Variants in SPINT2 observed in about 807,000 individuals in gnomAD.
SPINT2 encodes serine peptidase inhibitor, Kunitz type 2.
In SPINT2, 18 loss-of-function variants were observed where a neutral mutation model predicts 30.1. The observed-to-expected ratio is 0.60, with a 90% CI of 0.41 to 0.89. The LOEUF is 0.89. Ranked by LOEUF, SPINT2 falls within the 40% of genes least tolerant of loss-of-function variation. The pLI is 0.00. For missense variants in SPINT2, 276 were observed against 334.3 expected (o/e 0.83, Z 1.36); for synonymous variants, 139 against 137.9 (o/e 1.01, Z -0.05).
At chr19:38,287,747 G>A (rs1372498264) in intron 2 of SPINT2, 129 bp from the exon 3 acceptor site, 3 of 964,818 alleles carry the variant, frequency 3.1e-6, no homozygotes, top group Non-Finnish European at 5.1e-6. Flanking sequence ...GGTCTGGCAT[G>A]CACATTGAAG....
Position 38,292,224 on chromosome 19 carries a change from A to T in SPINT2, c.*218A>T. The stretch of plus-strand genomic sequence containing the variant: ...GGCCTGCAGTCTGGCAGCAGCCCCG[A>T]GTTGTTTCCTCGCTGATCGATTTCT... On this transcript the variant is annotated 3_prime_UTR_variant, in exon 7 of 7. Transcript: ENST00000301244. The T allele has an allele frequency of 3.5e-6, 2 of 576,294 alleles. No homozygotes were observed. Among genetic ancestry groups the T allele is most frequent in the South Asian group, 2.1e-5 (1 of 47,040 alleles). 35.7% of individuals were successfully genotyped at this position (576,294 alleles called of 1,614,324 possible).
At chr19:38,272,760 C>CA (rs1171089893) in intron 1 of SPINT2, among the ~76,000 whole-genome samples, 2 of 152,262 alleles carry the variant, frequency 1.3e-5, no homozygotes, top group Admixed American at 1.3e-4. Context: ...CTCTGTCGCC[C>CA]AGACTCTGGA....
At chr19:38,283,364 A>G (rs1968602544) in intron 1 of SPINT2, among the ~76,000 whole-genome samples, 2 of 152,190 alleles carry the variant, frequency 1.3e-5, no homozygotes. Flanking sequence ...CATGTCTTCA[A>G]TAATGGGGAC....
chr19:38,287,874 A>G lies in SPINT2; in HGVS notation c.278-2A>G, dbSNP rs201543656. The G allele has an allele frequency of 3.8e-5, 61 of 1,614,058 alleles. No homozygotes were observed. Among genetic ancestry groups the G allele is most frequent in the Non-Finnish European group, 4.8e-5 (57 of 1,180,018 alleles). On this transcript the variant is annotated splice_acceptor_variant, in intron 2 of 6. Coordinates refer to ENST00000301244, the MANE Select transcript of SPINT2 (RefSeq NM_021102.4). LOFTEE classifies it high-confidence loss of function. ...CTGTGCTGTTTCTTTGTCCCCTTGC[A>G]GAGAATGCCACGGGTGACCTGGCCA... is the stretch of plus-strand genomic sequence containing the variant.
intron 6 of SPINT2, chr19:38,291,426 A>C: frequency 5.7e-6 from 1 of 174,032 alleles, no homozygotes. Context: ...GTCTTTCTCT[A>C]TTGCCGGTCA....
intron 1 of SPINT2, among the ~76,000 whole-genome samples, chr19:38,274,583 C>T (rs945579463): frequency 3.3e-5 from 5 of 151,974 alleles, no homozygotes; most frequent in Admixed American, 6.6e-5. Context: ...TTTGGGAGGC[C>T]GAGGTAGGCA....
intron 1 of SPINT2, among the ~76,000 whole-genome samples, chr19:38,283,372 G>A (rs1173977332): frequency 6.6e-6 from 1 of 152,154 alleles, no homozygotes; most frequent in Admixed American, 6.6e-5. Context: ...CAATAATGGG[G>A]ACAGGGGACA....
intron 2 of SPINT2, among the ~76,000 whole-genome samples, 187 bp from the exon 3 acceptor site, chr19:38,287,689 T>TA (rs1482058850): frequency 6.6e-6 from 1 of 152,236 alleles, no homozygotes; most frequent in Non-Finnish European, 1.5e-5. Context: ...AAGTTAATCT[T>TA]AAGTTTCCTC....
rs768572648 is a variant in SPINT2 at position 38,264,892 on chromosome 19, C to A, written c.-1C>A. The A allele has an allele frequency of 2.2e-5, 33 of 1,534,288 alleles. No homozygotes were observed. Among genetic ancestry groups the A allele is most frequent in the Non-Finnish European group, 4.4e-6 (5 of 1,145,780 alleles). On this transcript the variant is annotated 5_prime_UTR_variant, in exon 1 of 7. Coordinates refer to ENST00000301244, the MANE Select transcript of SPINT2 (RefSeq NM_021102.4). ...GCCTGCGCGTCTCGGCTGAGCTGGC[C>A]ATGGCGCAGCTGTGCGGGCTGAGGC...
chr19:38,284,553 C>T (rs1968619680), intron 2 of SPINT2, among the ~76,000 whole-genome samples: 1 of 152,146 alleles, frequency 6.6e-6, no homozygotes, highest in African/African-American at 2.4e-5. Context: ...ACAGCAGACC[C>T]TCACTCCTCC....
intron 1 of SPINT2, among the ~76,000 whole-genome samples, chr19:38,268,928 G>A (rs778601895): frequency 9.2e-5 from 14 of 152,014 alleles, no homozygotes; most frequent in Non-Finnish European, 1.8e-4. Context: ...TCAACACCAG[G>A]CCAGATCATA....
intron 1 of SPINT2, among the ~76,000 whole-genome samples, chr19:38,276,480 A>G (rs1968519432): frequency 1.3e-5 from 2 of 151,992 alleles, no homozygotes; most frequent in South Asian, 4.2e-4. Context: ...TGTCTCTACT[A>G]AAAATACAAA....
At chr19:38,270,859 G>A (rs1023186771) in intron 1 of SPINT2, among the ~76,000 whole-genome samples, 6 of 152,230 alleles carry the variant, frequency 3.9e-5, no homozygotes, top group African/African-American at 1.4e-4. Context: ...TGGCTCATGT[G>A]AGGCGGGAGA....
chr19:38,286,077 A>G (rs549735717), intron 2 of SPINT2, among the ~76,000 whole-genome samples: 6 of 152,186 alleles, frequency 3.9e-5, no homozygotes, highest in African/African-American at 1.4e-4. Flanking sequence ...TTGGCATCTG[A>G]CTGGCTGCAA....
At chr19:38,278,872 G>A (rs1218753569) in intron 1 of SPINT2, among the ~76,000 whole-genome samples, 5 of 152,154 alleles carry the variant, frequency 3.3e-5, no homozygotes, top group Non-Finnish European at 7.3e-5. Flanking sequence ...TGTGGTGGAA[G>A]TGAATACTAT....
chr19:38,271,479 A>C (rs1264123888), intron 1 of SPINT2, among the ~76,000 whole-genome samples: 1 of 149,432 alleles, frequency 6.7e-6, no homozygotes, highest in Non-Finnish European at 1.5e-5. Context: ...GCAACAGAGC[A>C]AGACTCTCTC....
In SPINT2 at chr19:38,290,024, T is replaced by A. The variant is rs1968696007; in HGVS notation, c.392-95T>A. 1 of 1,343,314 alleles carries A rather than the reference T, an allele frequency of 7.4e-7. No individual in the cohort carries two copies. The highest frequency in any genetic ancestry group is 1.4e-5 in the African/African-American group (1 of 69,690). The allele number at this position is 1,343,314 out of a possible 1,614,324, so 83.2% of individuals were successfully genotyped here. A position where few individuals can be genotyped will look rare whatever the true frequency, so the allele number is the denominator to read the frequency against. On this transcript the variant is annotated intron_variant, in intron 4 of 6. Transcript: ENST00000301244. The surrounding 1 kb of genome is among the most constrained non-coding windows in gnomAD (Gnocchi z 4.3). ...TTTACCAGAGAGATGTTTCTCCGTCTGCTGGAGCCGCAAGCCTCCTCAGGC... is the reference window on the plus strand; with the variant it reads ...TTTACCAGAGAGATGTTTCTCCGTCAGCTGGAGCCGCAAGCCTCCTCAGGC...
intron 1 of SPINT2, among the ~76,000 whole-genome samples, chr19:38,272,394 A>G (rs567403523): frequency 6.6e-6 from 1 of 152,262 alleles, no homozygotes; most frequent in South Asian, 2.1e-4. Flanking sequence ...ATTAGGAAAA[A>G]CATTTCCAAA....
chr19:38,290,632 G>C lies in SPINT2; in HGVS notation c.592+57G>C. On this transcript the variant is annotated intron_variant, in intron 6 of 6. Transcript: ENST00000301244. This position sits in a 1 kb window ranked among gnomAD's most constrained non-coding sequence, Gnocchi z 4.3. ...AGCCTGCCTCCTCCCTTCCTTGACT[G>C]AGCTCAGCCCTGCCCAGCTGTGGTT... is the stretch of plus-strand genomic sequence containing the variant. 6.3e-7 allele frequency: 1 copy of C among 1,594,762 alleles called. No homozygotes were observed. Among genetic ancestry groups the C allele is most frequent in the Non-Finnish European group, 8.6e-7 (1 of 1,169,152 alleles).
Sources: gnomAD v4.1 joint callset for allele counts (sites outside exome capture counted in the v4.1 genomes callset) on GRCh38, gnomAD v4.1.1 for gene constraint, Gnocchi (gnomAD v3.1) non-coding constraint, MANE v1.5 for transcripts, NCBI Gene and HGNC (gene_info 2026-07-23, HGNC 2026-07-21) for gene names.